The following FHL5 variants were observed in gnomAD, a reference collection of about 807,000 sequenced individuals.
FHL5 encodes the protein four and a half LIM domains protein 5.
A neutral mutation model predicts 32.0 loss-of-function variants in FHL5; 33 were observed. That is an observed-to-expected ratio of 1.03 (90% CI 0.78 to 1.38). The LOEUF is 1.38. FHL5 is among the 40% of genes most tolerant of loss of function. The pLI is 0.00. For synonymous variants in FHL5, 114 were observed against 113.6 expected, an observed-to-expected ratio of 1.00 and a Z score of -0.02; for missense variants, 336 against 343.9, an observed-to-expected ratio of 0.98 and a Z score of 0.18.
chr6:96,590,232 G>C (rs1303666601), intron 1 of FHL5, among the ~76,000 whole-genome samples: 1 of 151,898 alleles, frequency 6.6e-6, no homozygotes, highest in African/African-American at 2.4e-5. Flanking sequence ...CAAATGAAGG[G>C]GAAATAATAC....
intron 5 of FHL5, among the ~76,000 whole-genome samples, chr6:96,612,158 G>A (rs1271801360): frequency 3.3e-5 from 5 of 152,046 alleles, no homozygotes; most frequent in African/African-American, 9.7e-5. Context: ...CACACCACTC[G>A]GCTCCAGGGT....
Position 96,604,826 on chromosome 6 carries a change from A to C in FHL5, c.236A>C (p.Lys79Thr), listed in dbSNP as rs1469353587. 8 of 1,614,036 alleles carry C rather than the reference A, an allele frequency of 5.0e-6. No individual in the cohort carries two copies. The highest frequency in any genetic ancestry group is 1.3e-5 in the African/African-American group (1 of 75,054). Residue 79 changes from lysine to threonine, a missense_variant, in exon 3 of 6, where the codon AAG becomes ACG. Coordinates refer to ENST00000450218, the MANE Select transcript of FHL5 (RefSeq NM_001322466.2). ...AAATGCAATCACTCTTTGGTGGAAA[A>C]GCCTTTTGCTGCCAAGGATGAGCGC... Reference protein sequence around the residue: ...CTKCNHSLVEKPFAAKDERLL... With the variant: ...CTKCNHSLVETPFAAKDERLL...
In FHL5 at chr6:96,604,938, G is replaced by A. The variant is rs1771241497; in HGVS notation, c.334+14G>A. 6.3e-7 allele frequency: 1 copy of A among 1,575,380 alleles called. No homozygotes were observed. The highest frequency in any genetic ancestry group is 1.4e-5 in the African/African-American group (1 of 73,512). On this transcript the variant is annotated intron_variant, in intron 3 of 5. Transcript: ENST00000450218. ...CCATCATGCCTGGTAGGGTCTCAAG[G>A]GGGCTCCTGTCTCTAACTGAAGCTG...
At chr6:96,572,489 G>T (rs1427910733) in intron 1 of FHL5, among the ~76,000 whole-genome samples, 1 of 152,092 alleles carries the variant, frequency 6.6e-6, no homozygotes, top group African/African-American at 2.4e-5. Flanking sequence ...CTGGGGATGG[G>T]GTGGTTCAGG....
intron 1 of FHL5, among the ~76,000 whole-genome samples, chr6:96,594,714 C>A (rs527879379): frequency 2.0e-5 from 3 of 151,930 alleles, no homozygotes; most frequent in Admixed American, 1.3e-4. Context: ...TTTGTGATGT[C>A]TCAGTTTTCT....
At chr6:96,578,504 C>T (rs1770630938) in intron 1 of FHL5, among the ~76,000 whole-genome samples, 1 of 152,072 alleles carries the variant, frequency 6.6e-6, no homozygotes, top group Non-Finnish European at 1.5e-5. Flanking sequence ...CTAAATAAGT[C>T]AATCATTGCA....
chr6:96,578,509 A>G (rs1218060716), intron 1 of FHL5, among the ~76,000 whole-genome samples: 1 of 152,172 alleles, frequency 6.6e-6, no homozygotes, highest in African/African-American at 2.4e-5. Flanking sequence ...TAAGTCAATC[A>G]TTGCAAACTG....
chr6:96,583,723 C>T (rs1430164144), intron 1 of FHL5, among the ~76,000 whole-genome samples: 4 of 152,072 alleles, frequency 2.6e-5, no homozygotes, highest in African/African-American at 9.7e-5. Flanking sequence ...ATATCAAAGG[C>T]TGCCTTCTTC....
chr6:96,579,141 C>T (rs1770647438), intron 1 of FHL5, among the ~76,000 whole-genome samples: 1 of 152,088 alleles, frequency 6.6e-6, no homozygotes, highest in South Asian at 2.1e-4. Context: ...TTGAAATAGG[C>T]AACTCATTCA....
chr6:96,608,727 A>G (rs1771336865), intron 4 of FHL5, among the ~76,000 whole-genome samples: 1 of 152,300 alleles, frequency 6.6e-6, no homozygotes, highest in African/African-American at 2.4e-5. Flanking sequence ...TTTTCACAGA[A>G]CAAACTTGTT....
rs79089600 is a variant in FHL5, at chr6:96,617,818, G to C, written c.*2046G>C. Among the ~76,000 whole-genome samples the C allele has an allele frequency of 0.021, 3,217 of 152,212 alleles. 37 individuals are homozygous for C. The highest frequency in any genetic ancestry group is 0.041 in the Middle Eastern group (12 of 294). ...TGCACATGATCAGACTTGTATTCTA[G>C]CTTTACAATTAAAATTCACAGAATC... On this transcript the variant is annotated 3_prime_UTR_variant, in exon 6 of 6. Transcript: ENST00000450218.
chr6:96,590,203 T>A (rs1249930547), intron 1 of FHL5, among the ~76,000 whole-genome samples: 1 of 152,038 alleles, frequency 6.6e-6, no homozygotes, highest in East Asian at 1.9e-4. Flanking sequence ...TGATGGAATT[T>A]TATTTTGCAT....
intron 4 of FHL5, among the ~76,000 whole-genome samples, chr6:96,606,292 A>G (rs1433586244): frequency 1.3e-5 from 2 of 151,928 alleles, no homozygotes; most frequent in East Asian, 1.9e-4. Context: ...CAAGAATTTA[A>G]TATTCCAAAC....
chr6:96,563,157 T>C lies in FHL5; in HGVS notation c.-211T>C, dbSNP rs906662571. The stretch of plus-strand genomic sequence containing the variant: ...GGAGTCATGTACACGGTATAAGACT[T>C]GGAGGAAATGCAGGGACCCTTCTGT... On this transcript the variant is annotated 5_prime_UTR_variant, in exon 1 of 6. Transcript: ENST00000450218. 7 of 152,108 alleles carry C rather than the reference T, an allele frequency of 4.6e-5. No homozygotes were observed. The highest frequency in any genetic ancestry group is 1.7e-4 in the African/African-American group (7 of 41,426). The allele number at this position is 152,108 out of a possible 1,614,324, so 9.4% of individuals were successfully genotyped here. A position where few individuals can be genotyped will look rare whatever the true frequency, so the allele number is the denominator to read the frequency against.
At position 96,616,047 on chromosome 6, in the gene FHL5, A is replaced by G. The variant is rs942440771; in HGVS notation, c.*275A>G. Reference sequence around the variant, plus strand: ...GAGGAAAATATCTCTTCATAATCAAATATATGACATATACCTAGGAGCTGT... The same window carrying G: ...GAGGAAAATATCTCTTCATAATCAAGTATATGACATATACCTAGGAGCTGT... On this transcript the variant is annotated 3_prime_UTR_variant, in exon 6 of 6. Coordinates refer to ENST00000450218, the MANE Select transcript of FHL5 (RefSeq NM_001322466.2). 1 of 216,350 alleles carries G rather than the reference A, an allele frequency of 4.6e-6. No individual in the cohort carries two copies. The highest frequency in any genetic ancestry group is 9.1e-6 in the Non-Finnish European group (1 of 110,318). The allele number at this position is 216,350 out of a possible 1,614,324, so 13.4% of individuals were successfully genotyped here.
intron 4 of FHL5, among the ~76,000 whole-genome samples, chr6:96,608,659 GTCT>G (rs1415195104): frequency 2.0e-5 from 3 of 152,068 alleles, no homozygotes; most frequent in Non-Finnish European, 4.4e-5. Context: ...GGAGTTAAAC[GTCT>G]TCTTCGATTT....
In FHL5 at chr6:96,615,661, A is replaced by G; in HGVS notation, c.744A>G (p.Glu248=). The G allele has an allele frequency of 6.2e-7, 1 of 1,613,196 alleles. No homozygotes were observed. Among genetic ancestry groups the G allele is most frequent in the Non-Finnish European group, 8.5e-7 (1 of 1,179,600 alleles). ...TTCAAGACAGCCAGTGGCATAGCGA[A>G]TGCTTTAACTGCGGGAAATGCTCTG... ...ICFQDSQWHS[E]CFNCGKCSVS... The change falls in exon 6 of 6, where the codon GAA becomes GAG. Residue 248 remains glutamate (E), a synonymous_variant. Coordinates refer to ENST00000450218, the MANE Select transcript of FHL5 (RefSeq NM_001322466.2).
intron 1 of FHL5, among the ~76,000 whole-genome samples, chr6:96,598,261 A>C (rs1771075992): frequency 1.3e-5 from 2 of 152,178 alleles, no homozygotes; most frequent in African/African-American, 4.8e-5. Context: ...TCAGCCAGCC[A>C]ATCTGCCACC....
At chr6:96,597,559 T>C (rs1771062063) in intron 1 of FHL5, among the ~76,000 whole-genome samples, 1 of 152,264 alleles carries the variant, frequency 6.6e-6, no homozygotes, top group Non-Finnish European at 1.5e-5. Flanking sequence ...TCAATGATTA[T>C]ATTTTTTCTA....
Sources: allele counts gnomAD v4.1 joint callset (sites outside exome capture counted in the v4.1 genomes callset), GRCh38; gene constraint gnomAD v4.1.1; transcripts MANE v1.5; gene names NCBI Gene and HGNC (gene_info 2026-07-23, HGNC 2026-07-21).